The following PDE4D variants were observed in gnomAD, a reference collection of about 807,000 sequenced individuals.
PDE4D encodes the protein phosphodiesterase 4D, also known as 3',5'-cyclic-AMP phosphodiesterase 4D.
PDE4D carries 24 observed loss-of-function variants against 87.4 expected under a neutral mutation model. The ratio of observed to expected loss-of-function variants is 0.27; its 90% CI spans 0.20 to 0.39. PDE4D has a LOEUF of 0.39. PDE4D is among the 10% of genes least tolerant of loss of function. The pLI is 1.00. For synonymous variants in PDE4D, 384 were observed against 383.2 expected (o/e 1.00, Z -0.02); for missense variants, 714 against 1,041.0 (o/e 0.69, Z 4.32).
chr5:59,122,790 A>C (rs550624389), intron 5 of PDE4D, among the ~76,000 whole-genome samples: 2 of 152,332 alleles, frequency 1.3e-5, no homozygotes, highest in African/African-American at 4.8e-5. Context: ...TCTAGTTCCA[A>C]ACATTTTCAA....
chr5:60,053,468 T>G (rs1182567920), intron 2 of PDE4D, among the ~76,000 whole-genome samples: 3 of 152,168 alleles, frequency 2.0e-5, no homozygotes, highest in Non-Finnish European at 1.5e-5. Flanking sequence ...TAAATGGTGT[T>G]GGGGAAACTG....
At chr5:59,178,748 C>G (rs1784288298) in intron 5 of PDE4D, among the ~76,000 whole-genome samples, 1 of 152,206 alleles carries the variant, frequency 6.6e-6, no homozygotes, top group Admixed American at 6.5e-5. Context: ...TGACCTCAAG[C>G]TAAAAAAGCT....
intron 2 of PDE4D, among the ~76,000 whole-genome samples, chr5:60,137,509 C>T (rs1432182500): frequency 6.6e-6 from 1 of 151,954 alleles, no homozygotes; most frequent in Non-Finnish European, 1.5e-5. Flanking sequence ...GAGATGGTAT[C>T]TCATTGTGGT....
intron 1 of PDE4D, among the ~76,000 whole-genome samples, chr5:59,542,278 A>T (rs1345628175): frequency 6.6e-6 from 1 of 152,034 alleles, no homozygotes; most frequent in East Asian, 1.9e-4. Context: ...TACCATCTTA[A>T]GTTCATTTTC....
At chr5:59,854,122 T>C (rs904209498) in intron 1 of PDE4D, among the ~76,000 whole-genome samples, 30 of 152,068 alleles carry the variant, frequency 2.0e-4, no homozygotes, top group African/African-American at 7.0e-4. Context: ...TGTTGCAATG[T>C]ATATCTTAAC....
At chr5:60,350,393 TAGG>T (rs1193508204) in intron 1 of PDE4D, among the ~76,000 whole-genome samples, 1 of 152,154 alleles carries the variant, frequency 6.6e-6, no homozygotes, top group Non-Finnish European at 1.5e-5. Context: ...CTCTCCAGGC[TAGG>T]AGTTCTCCAC....
chr5:60,196,885 G>A lies in PDE4D; in HGVS notation c.-89-11198C>T, dbSNP rs563066650. ...AGTATTAGAAATGGCATTTCACTGA[G>A]GGTTGTAGAATGTATGTAGAGACTG... On this transcript the variant is annotated intron_variant, in intron 1 of 16. Coordinates refer to the PDE4D transcript ENST00000502484. Among the ~76,000 whole-genome samples, 19 of 151,508 alleles carry A rather than the reference G, an allele frequency of 1.3e-4. 1 individual carries two copies. The highest frequency in any genetic ancestry group is 2.5e-4 in the Non-Finnish European group (17 of 67,714).
At chr5:59,300,943 A>C (rs1167040407) in intron 1 of PDE4D, among the ~76,000 whole-genome samples, 1 of 152,144 alleles carries the variant, frequency 6.6e-6, no homozygotes, top group Non-Finnish European at 1.5e-5. Context: ...TATGTTTGCT[A>C]GTTTATTATA....
chr5:59,429,410 T>C (rs1795779954), intron 1 of PDE4D, among the ~76,000 whole-genome samples: 1 of 152,148 alleles, frequency 6.6e-6, no homozygotes, highest in Admixed American at 6.5e-5. Context: ...GTTTAGAAAC[T>C]TTTTAATCAC....
At chr5:59,956,616 A>G (rs1360515434) in intron 3 of PDE4D, among the ~76,000 whole-genome samples, 1 of 152,194 alleles carries the variant, frequency 6.6e-6, no homozygotes, top group Non-Finnish European at 1.5e-5. Context: ...TGTATTTCAT[A>G]ATTACAAAAG....
At chr5:59,246,447 A>G (rs1265109897) in intron 1 of PDE4D, among the ~76,000 whole-genome samples, 1 of 152,172 alleles carries the variant, frequency 6.6e-6, no homozygotes, top group African/African-American at 2.4e-5. Flanking sequence ...ATAAAAACAC[A>G]TAAATGTCTA....
upstream of PDE4D, chr5:59,893,805 C>A (rs1045994966): frequency 1.5e-6 from 2 of 1,329,974 alleles, no homozygotes; most frequent in Admixed American, 4.2e-5. Flanking sequence ...GCCCTGCCAG[C>A]GGGAGGGGTC....
At chr5:60,182,372 G>A (rs1784436600) in intron 2 of PDE4D, among the ~76,000 whole-genome samples, 1 of 152,192 alleles carries the variant, frequency 6.6e-6, no homozygotes, top group East Asian at 1.9e-4. Context: ...TACCCTTTGG[G>A]CTTAAACAAG....
chr5:59,639,126 A>C (rs1022669715), intron 1 of PDE4D, among the ~76,000 whole-genome samples: 5 of 152,136 alleles, frequency 3.3e-5, no homozygotes, highest in Non-Finnish European at 7.4e-5. Flanking sequence ...ATTTTTTATA[A>C]TATCATTTCC....
Position 60,303,833 on chromosome 5 carries a change from GGTTCTGAAT to G in PDE4D, c.-89-118155_-89-118147del, listed in dbSNP as rs1754174017. Among the ~76,000 whole-genome samples, 3 of 152,238 alleles carry G rather than the reference GGTTCTGAAT, an allele frequency of 2.0e-5. No individual in the cohort carries two copies. In the East Asian group the frequency reaches 5.8e-4, roughly 29 times the overall value. ...TCTGCTTGATCCAGAGCTGAGTTCAGGTTCTGAATATCTTTGTTAATTTTCTGTCTCAAT... is the reference window on the plus strand; with the variant it reads ...TCTGCTTGATCCAGAGCTGAGTTCAGATCTTTGTTAATTTTCTGTCTCAAT... On this transcript the variant is annotated intron_variant, in intron 1 of 16. Transcript: ENST00000502484.
intron 3 of PDE4D, among the ~76,000 whole-genome samples, chr5:59,971,396 C>T (rs1015119151): frequency 1.2e-4 from 12 of 102,728 alleles, no homozygotes; most frequent in African/African-American, 3.6e-4. Context: ...GAGAGAGAGA[C>T]AAAGAGAGGG....
chr5:60,347,015 AT>A (rs2149913369), intron 1 of PDE4D, among the ~76,000 whole-genome samples: 1 of 152,320 alleles, frequency 6.6e-6, no homozygotes, highest in Admixed American at 6.5e-5. Flanking sequence ...TACAGAGCTT[AT>A]ATTCTGAATT....
intron 1 of PDE4D, among the ~76,000 whole-genome samples, chr5:59,796,150 C>A (rs1229527588): frequency 1.3e-5 from 2 of 152,144 alleles, no homozygotes; most frequent in South Asian, 2.1e-4. Context: ...GGGGACCAGG[C>A]TTTTAGTCAA....
At chr5:59,798,290 G>T (rs1031845608) in intron 1 of PDE4D, among the ~76,000 whole-genome samples, 1 of 137,320 alleles carries the variant, frequency 7.3e-6, no homozygotes, top group Non-Finnish European at 1.6e-5. Context: ...GTGTGTGTGT[G>T]TGTGTGTTTG....
Sources: gnomAD v4.1 joint callset for allele counts (sites outside exome capture counted in the v4.1 genomes callset) on GRCh38, gnomAD v4.1.1 for gene constraint, MANE v1.5 for transcripts, NCBI Gene and HGNC (gene_info 2026-07-23, HGNC 2026-07-21) for gene names.